SBNO1: variants seen among roughly 807,000 people sequenced by gnomAD.
SBNO1 encodes protein strawberry notch homolog 1.
A neutral mutation model predicts 173.6 loss-of-function variants in SBNO1; 23 were observed. The ratio of observed to expected loss-of-function variants is 0.13; its 90% CI spans 0.10 to 0.19. SBNO1 has a LOEUF of 0.19. Ranked by LOEUF, SBNO1 falls within the 10% of genes least tolerant of loss-of-function variation. SBNO1 has a pLI of 1.00. For missense variants in SBNO1, 1,238 were observed against 1,671.2 expected, an observed-to-expected ratio of 0.74 and a Z score of 4.52; for synonymous variants, 632 against 571.5, an observed-to-expected ratio of 1.11 and a Z score of -1.51.
chr12:123,358,050 G>A (rs1162988421), intron 1 of SBNO1, among the ~76,000 whole-genome samples: 1 of 152,178 alleles, frequency 6.6e-6, no homozygotes, highest in Non-Finnish European at 1.5e-5. Context: ...CTTGGAACCA[G>A]AAGTGACTCA....
Position 123,289,335 on chromosome 12 carries a change from G to A in SBNO1, c.*6573C>T, listed in dbSNP as rs202234991. On this transcript the variant is annotated 3_prime_UTR_variant, in exon 32 of 32. Coordinates refer to ENST00000602398, the MANE Select transcript of SBNO1 (RefSeq NM_001167856.3). ...ATGATTGGGATAATCAATTCCGGAC[G>A]CTTGGTACCGTGCTCCCACGAAAGG... The A allele has an allele frequency of 6.6e-6, 1 of 152,208 alleles. No homozygotes were observed. Among genetic ancestry groups the A allele is most frequent in the Non-Finnish European group, 1.5e-5 (1 of 68,046 alleles). 9.4% of individuals were successfully genotyped at this position (152,208 alleles called of 1,614,324 possible).
rs1869760796 is a variant in SBNO1 at position 123,319,936 on chromosome 12, G to A, written c.2763C>T (p.Asn921=). The A allele has an allele frequency of 1.2e-6, 2 of 1,613,786 alleles. No individual in the cohort carries two copies. The highest frequency in any genetic ancestry group is 1.7e-6 in the Non-Finnish European group (2 of 1,179,802). ...CCATAAATCGTTGTTTTTCTGTGAT[G>A]TTTAGTATTTCCACAGGCACATCAA... The part of the protein sequence containing the change: ...SELDVPVEIL[N]ITEKQRFMDG... Residue 921 remains asparagine (N), a synonymous_variant, in exon 20 of 32, where the codon AAC becomes AAT. Coordinates refer to ENST00000602398, the MANE Select transcript of SBNO1 (RefSeq NM_001167856.3).
rs1868909336 is a variant in SBNO1 at position 123,313,707 on chromosome 12, C to T, written c.3133G>A (p.Ala1045Thr). ...FNFDNKYGRN[A>T]LEIVMKSIVN... ...ATGGATTTCATGACAATTTCTAAAG[C>T]ATTTCTTCCATACTGCAAAAAAAAA... The change falls in exon 24 of 32, where the codon GCT (alanine) becomes ACT (threonine). Residue 1045 changes from alanine to threonine, a missense_variant. Transcript: ENST00000602398. 1.3e-6 allele frequency: 2 copies of T among 1,599,822 alleles called. No individual in the cohort carries two copies. The highest frequency in any genetic ancestry group is 2.2e-5 in the South Asian group (2 of 90,476).
intron 1 of SBNO1, 174 bp downstream of exon 1, chr12:123,364,527 C>G: frequency 1.0e-6 from 1 of 983,626 alleles, no homozygotes; most frequent in Non-Finnish European, 1.2e-6. Context: ...AACATGCCCC[C>G]GAGGGCCCCG....
intron 1 of SBNO1, among the ~76,000 whole-genome samples, chr12:123,351,057 G>A (rs73408365): frequency 7.7e-4 from 117 of 152,294 alleles, no homozygotes; most frequent in African/African-American, 2.7e-3. Context: ...AAGAGGTGGA[G>A]GTTGCAGTGA....
chr12:123,359,541 G>A (rs9705407), intron 1 of SBNO1, among the ~76,000 whole-genome samples: 1 of 148,074 alleles, frequency 6.8e-6, no homozygotes, highest in Admixed American at 6.7e-5. Flanking sequence ...GGCAACAGAG[G>A]GAGACTCCGT....
chr12:123,294,719 CTTG>C lies in SBNO1; in HGVS notation c.*1186_*1188del, dbSNP rs1234649489. On this transcript the variant is annotated 3_prime_UTR_variant, in exon 32 of 32. Transcript: ENST00000602398. The stretch of plus-strand genomic sequence containing the variant: ...GATAAAAAGACCAACTGTCCCCTCA[CTTG>C]TTTTTATAAACATCTATTATAGGCG... 2 of 161,540 alleles carry C rather than the reference CTTG, an allele frequency of 1.2e-5. No individual in the cohort carries two copies. The allele number at this position is 161,540 out of a possible 1,614,324, so 10.0% of individuals were successfully genotyped here. A position where few individuals can be genotyped will look rare whatever the true frequency, so the allele number is the denominator to read the frequency against.
At chr12:123,313,248 ATAAATAAT>A (rs1342816375) in intron 24 of SBNO1, among the ~76,000 whole-genome samples, 3 of 143,692 alleles carry the variant, frequency 2.1e-5, no homozygotes, top group African/African-American at 7.7e-5. Flanking sequence ...AAATAAATAA[ATAAATAAT>A]TTTTAAAAAA....
At chr12:123,306,869 C>T (rs938016932) in intron 28 of SBNO1, among the ~76,000 whole-genome samples, 37 of 151,826 alleles carry the variant, frequency 2.4e-4, no homozygotes, top group African/African-American at 8.7e-4. Flanking sequence ...AATCAACCTA[C>T]AGTTCAATCA....
chr12:123,329,859 T>C (rs904123194), intron 9 of SBNO1, among the ~76,000 whole-genome samples: 1 of 152,216 alleles, frequency 6.6e-6, no homozygotes, highest in African/African-American at 2.4e-5. Context: ...GGTGCATGCA[T>C]AGTAAGTCAA....
At chr12:123,338,660 G>C (rs1872147122) in intron 5 of SBNO1, among the ~76,000 whole-genome samples, 1 of 152,106 alleles carries the variant, frequency 6.6e-6, no homozygotes, top group African/African-American at 2.4e-5. Context: ...ACTCCAGCCT[G>C]TGACAGAGCG....
At chr12:123,349,860 C>G (rs1327508990) in intron 2 of SBNO1, among the ~76,000 whole-genome samples, 1 of 151,928 alleles carries the variant, frequency 6.6e-6, no homozygotes, top group African/African-American at 2.4e-5. Flanking sequence ...TTGCAGTGAG[C>G]TGAGATTGCG....
At chr12:123,333,332 C>T (rs1871439960) in intron 7 of SBNO1, among the ~76,000 whole-genome samples, 1 of 152,084 alleles carries the variant, frequency 6.6e-6, no homozygotes, top group Non-Finnish European at 1.5e-5. Flanking sequence ...CCCCACTGTC[C>T]AATAATATCA....
In SBNO1 at chr12:123,326,178, C is replaced by T; in HGVS notation, c.1849G>A (p.Ala617Thr). The change falls in exon 14 of 32, where the codon GCT becomes ACT. Residue 617 changes from alanine to threonine, a missense_variant. Physicochemically the swap from Ala to Thr is moderately conservative, Grantham distance 58. Around this residue, in one of 14 missense-constraint regions of SBNO1, gnomAD observed 182 missense variants for 339.9 expected, o/e 0.54. Coordinates refer to ENST00000602398, the MANE Select transcript of SBNO1 (RefSeq NM_001167856.3). ...ASKVKRVVQL[A>T]REEIKNGKCV... Reference sequence around the variant, plus strand: ...TTTCCATTCTTGATTTCCTCTCGAGCTAGTTGCACAACCCTTTTAACTTTG... The same window carrying T: ...TTTCCATTCTTGATTTCCTCTCGAGTTAGTTGCACAACCCTTTTAACTTTG... 1 of 1,608,710 alleles carries T rather than the reference C, an allele frequency of 6.2e-7. No individual in the cohort carries two copies. The highest frequency in any genetic ancestry group is 8.5e-7 in the Non-Finnish European group (1 of 1,177,042).
At position 123,364,168 on chromosome 12, in the gene SBNO1, T is replaced by C. The variant is rs1360088949; in HGVS notation, c.-1+533A>G. On this transcript the variant is annotated intron_variant, in intron 1 of 31. Transcript: ENST00000602398. The stretch of plus-strand genomic sequence containing the variant: ...TCCCCACCGCCCCAAGAGCGGGGCA[T>C]GTACGAGACCGCGCTGTGGGGTTCA... 4 of 985,338 alleles carry C rather than the reference T, an allele frequency of 4.1e-6. No homozygotes were observed. In the African/African-American group the frequency reaches 5.2e-5, roughly 13 times the overall value. The allele number at this position is 985,338 out of a possible 1,614,324, so 61.0% of individuals were successfully genotyped here. A position where few individuals can be genotyped will look rare whatever the true frequency, so the allele number is the denominator to read the frequency against.
chr12:123,354,541 T>G (rs1874220480), intron 1 of SBNO1, among the ~76,000 whole-genome samples: 1 of 152,130 alleles, frequency 6.6e-6, no homozygotes, highest in African/African-American at 2.4e-5. Context: ...CTAACTCCAT[T>G]AGGCAAAACC....
chr12:123,364,519 C>T, intron 1 of SBNO1, 182 bp downstream of exon 1: 1 of 983,814 alleles, frequency 1.0e-6, no homozygotes, highest in Non-Finnish European at 1.2e-6. Context: ...CCGTCGGGAA[C>T]ATGCCCCCGA....
intron 24 of SBNO1, among the ~76,000 whole-genome samples, chr12:123,311,720 CTATATA>C (rs56718635): frequency 0.011 from 1,425 of 127,406 alleles, 13 homozygotes; most frequent in African/African-American, 0.019. Flanking sequence ...ATCTATCTAT[CTATATA>C]TATATATATA....
intron 24 of SBNO1, among the ~76,000 whole-genome samples, chr12:123,311,466 C>A (rs922591032): frequency 2.0e-5 from 3 of 152,022 alleles, no homozygotes; most frequent in East Asian, 1.9e-4. Context: ...CTCTGCCTCA[C>A]GGGTTCAAGC....
Sources: gnomAD v4.1 joint callset for allele counts (sites outside exome capture counted in the v4.1 genomes callset) on GRCh38, gnomAD v4.1.1 for gene constraint, gnomAD v4.1.1 regional missense constraint, MANE v1.5 for transcripts, NCBI Gene and HGNC (gene_info 2026-07-23, HGNC 2026-07-21) for gene names.